The following KAZN variants were observed in gnomAD, a reference collection of about 807,000 sequenced individuals.
KAZN encodes the protein kazrin, periplakin interacting protein, also known as kazrin.
A neutral mutation model predicts 87.4 loss-of-function variants in KAZN; 40 were observed. That is an observed-to-expected ratio of 0.46 (90% CI 0.36 to 0.60). The LOEUF (loss-of-function observed/expected upper bound fraction) is 0.60. KAZN is among the 20% of genes least tolerant of loss of function. The pLI, the probability that KAZN is intolerant of heterozygous loss-of-function variation, is 0.00. For missense variants in KAZN, 898 were observed against 1,073.9 expected (o/e 0.84, Z 2.29); for synonymous variants, 466 against 458.3 (o/e 1.02, Z -0.22).
Position 14,168,181 on chromosome 1 carries a change from T to A in KAZN, c.92-12254T>A, listed in dbSNP as rs1645873569. ...ATGCCCAGGCAAGTCGCTGGCTACA[T>A]GATTTTGTCAGAATCTACTTCTCAC... On this transcript the variant is annotated intron_variant, in intron 1 of 16. Coordinates refer to the KAZN transcript ENST00000636203. Among the ~76,000 whole-genome samples the A allele has an allele frequency of 2.0e-5, 3 of 152,384 alleles. No homozygotes were observed. The South Asian group carries it at 6.2e-4, about 32-fold the overall frequency.
At chr1:14,145,073 G>A (rs1645317068) in intron 1 of KAZN, among the ~76,000 whole-genome samples, 3 of 152,096 alleles carry the variant, frequency 2.0e-5, no homozygotes, top group African/African-American at 7.2e-5. Flanking sequence ...AGCTCTTCTA[G>A]GATAAGGTTC....
At chr1:14,125,068 G>T (rs1047728852) in intron 1 of KAZN, among the ~76,000 whole-genome samples, 17 of 152,268 alleles carry the variant, frequency 1.1e-4, no homozygotes, top group African/African-American at 3.9e-4. Flanking sequence ...ATGTCTCCCA[G>T]GAAGAGGGAA....
intron 2 of KAZN, among the ~76,000 whole-genome samples, chr1:14,424,340 C>A (rs569188597): frequency 6.6e-6 from 1 of 152,298 alleles, no homozygotes; most frequent in Non-Finnish European, 1.5e-5. Context: ...GATGAGACAA[C>A]CGTGGCAGGG....
intron 1 of KAZN, among the ~76,000 whole-genome samples, chr1:14,732,065 T>G (rs1217011922): frequency 6.6e-6 from 1 of 152,106 alleles, no homozygotes; most frequent in Non-Finnish European, 1.5e-5. Context: ...AGTCTGAAGT[T>G]TCAAGGAAAA....
At chr1:14,507,346 C>T (rs953636074) in intron 2 of KAZN, among the ~76,000 whole-genome samples, 1 of 152,144 alleles carries the variant, frequency 6.6e-6, no homozygotes, top group African/African-American at 2.4e-5. Flanking sequence ...CTATCACAAT[C>T]GTCCATCTTG....
intron 1 of KAZN, among the ~76,000 whole-genome samples, chr1:14,730,640 T>C (rs2100358927): frequency 6.6e-6 from 1 of 152,290 alleles, no homozygotes; most frequent in Middle Eastern, 3.4e-3. Context: ...TTGAGCACCC[T>C]GTCACGCTAC....
At chr1:14,396,080 A>G (rs1023504751) in intron 2 of KAZN, among the ~76,000 whole-genome samples, 1 of 150,690 alleles carries the variant, frequency 6.6e-6, no homozygotes, top group Admixed American at 6.6e-5. Flanking sequence ...AGGCAAGAGA[A>G]TCGCTTGAAC....
At chr1:14,572,640 G>T (rs184628049) in intron 2 of KAZN, among the ~76,000 whole-genome samples, 3 of 152,240 alleles carry the variant, frequency 2.0e-5, no homozygotes, top group East Asian at 1.9e-4. Flanking sequence ...CGGCTCTGTC[G>T]CATTGAGCCT....
intron 2 of KAZN, among the ~76,000 whole-genome samples, chr1:14,994,538 G>A (rs985281123): frequency 2.0e-5 from 3 of 152,236 alleles, no homozygotes; most frequent in Non-Finnish European, 2.9e-5. Flanking sequence ...GGGTCACCCC[G>A]GGAATAGTCA....
chr1:13,994,152 T>C (rs1332016731), intron 1 of KAZN, among the ~76,000 whole-genome samples: 2 of 152,224 alleles, frequency 1.3e-5, no homozygotes, highest in African/African-American at 4.8e-5. Flanking sequence ...CAGAATATTA[T>C]AAACCCATGT....
At chr1:14,373,138 T>A (rs1234960538) in intron 2 of KAZN, among the ~76,000 whole-genome samples, 1 of 151,878 alleles carries the variant, frequency 6.6e-6, no homozygotes, top group African/African-American at 2.4e-5. Flanking sequence ...GAGGTAGCTT[T>A]CTGGGAAGTG....
chr1:14,234,278 A>G (rs902401644), intron 2 of KAZN, among the ~76,000 whole-genome samples: 1 of 152,210 alleles, frequency 6.6e-6, no homozygotes, highest in African/African-American at 2.4e-5. Context: ...ACTGGAAACC[A>G]TCATTCTCAG....
At chr1:14,673,286 C>G (rs1401528110) in intron 1 of KAZN, among the ~76,000 whole-genome samples, 1 of 152,158 alleles carries the variant, frequency 6.6e-6, no homozygotes, top group Non-Finnish European at 1.5e-5. Context: ...AGGAACTGAC[C>G]AGGGCTGGCC....
At chr1:15,108,869 T>C (rs984582388) in intron 13 of KAZN, among the ~76,000 whole-genome samples, 6 of 151,430 alleles carry the variant, frequency 4.0e-5, no homozygotes, top group Admixed American at 2.6e-4. Flanking sequence ...CTAGAAATAC[T>C]TAATAGGTCG....
At chr1:14,972,818 A>G (rs1665219127) in intron 2 of KAZN, among the ~76,000 whole-genome samples, 2 of 151,992 alleles carry the variant, frequency 1.3e-5, no homozygotes, top group African/African-American at 2.4e-5. Context: ...CCTGGCCGTG[A>G]GCTCTTTTTG....
At position 14,184,339 on chromosome 1, in the gene KAZN, G is replaced by A. The variant is rs1186155067; in HGVS notation, c.249+3747G>A. ...CCCTCCCTCGCCTTCTCTTCTTTTG[G>A]TTGGCAAAATAAATGTTAGCTGAGA... On this transcript the variant is annotated intron_variant, in intron 2 of 16. Transcript: ENST00000636203. The surrounding 1 kb of genome is among the most constrained non-coding windows in gnomAD (Gnocchi z 4.2). Among the ~76,000 whole-genome samples the A allele has an allele frequency of 1.3e-5, 2 of 151,300 alleles. No homozygotes were observed. Among genetic ancestry groups the A allele is most frequent in the Non-Finnish European group, 2.9e-5 (2 of 67,874 alleles).
At chr1:14,512,071 C>T (rs12047820) in intron 2 of KAZN, among the ~76,000 whole-genome samples, 6,324 of 152,138 alleles carry the variant, frequency 0.042, 243 homozygotes, top group East Asian at 0.16. Context: ...GGCACAAATG[C>T]ATGTTGACAT....
chr1:14,910,327 T>C (rs1421326090), intron 1 of KAZN, among the ~76,000 whole-genome samples: 1 of 152,202 alleles, frequency 6.6e-6, no homozygotes, highest in Non-Finnish European at 1.5e-5. Context: ...CCTTCCCCCA[T>C]GTGGGTGCCC....
intron 8 of KAZN, among the ~76,000 whole-genome samples, chr1:15,091,488 G>A (rs1426052340): frequency 6.6e-6 from 1 of 152,174 alleles, no homozygotes; most frequent in Non-Finnish European, 1.5e-5. Context: ...GGGACTACAG[G>A]CGTGTGCTAC....
Sources: allele counts gnomAD v4.1 joint callset (sites outside exome capture counted in the v4.1 genomes callset), GRCh38; gene constraint gnomAD v4.1.1; non-coding constraint Gnocchi (gnomAD v3.1); transcripts MANE v1.5; gene names NCBI Gene and HGNC (gene_info 2026-07-23, HGNC 2026-07-21).